Variants in GLCE observed in about 807,000 individuals in gnomAD.
GLCE encodes D-glucuronyl C5-epimerase.
In GLCE, 19 loss-of-function variants were observed where a neutral mutation model predicts 47.9. The ratio of observed to expected loss-of-function variants is 0.40; its 90% CI spans 0.28 to 0.58. The LOEUF (loss-of-function observed/expected upper bound fraction) is 0.58. GLCE is among the 20% of genes least tolerant of loss of function. The pLI is 0.48. For missense variants in GLCE, 556 were observed against 743.3 expected (o/e 0.75, Z 2.93); for synonymous variants, 245 against 263.4 (o/e 0.93, Z 0.68).
At position 69,261,277 on chromosome 15, in the gene GLCE, G is replaced by T. The variant is rs377198684; in HGVS notation, c.777G>T (p.Ala259=). 22 of 1,613,858 alleles carry T rather than the reference G, an allele frequency of 1.4e-5. No individual in the cohort carries two copies. The highest frequency in any genetic ancestry group is 1.9e-5 in the Non-Finnish European group (22 of 1,179,964). The stretch of plus-strand genomic sequence containing the variant: ...CTGTGCCAAAGGGCTGCTTTATGGC[G>T]AATGTGGCTGATAAGTCTAGATTCA... ...DWTVPKGCFM[A]NVADKSRFTN... The change falls in exon 4 of 5, where the codon GCG becomes GCT. Residue 259 remains alanine (A), a synonymous_variant. Transcript: ENST00000261858.
At chr15:69,257,790 A>T (rs1322405797) in intron 3 of GLCE, among the ~76,000 whole-genome samples, 2 of 152,028 alleles carry the variant, frequency 1.3e-5, no homozygotes, top group Admixed American at 1.3e-4. Context: ...AATGATGTTT[A>T]CTATACAGTG....
chr15:69,193,460 C>T (rs140979294), intron 1 of GLCE, among the ~76,000 whole-genome samples: 18 of 152,138 alleles, frequency 1.2e-4, no homozygotes, highest in African/African-American at 4.1e-4. Context: ...ACTTCATCCT[C>T]GTAATGTGTG....
intron 4 of GLCE, among the ~76,000 whole-genome samples, chr15:69,264,909 A>T (rs931386243): frequency 7.9e-5 from 12 of 152,066 alleles, no homozygotes; most frequent in Admixed American, 7.9e-4. Context: ...TATTTGTATA[A>T]GTTCCTGATA....
intron 1 of GLCE, among the ~76,000 whole-genome samples, chr15:69,170,286 A>G (rs1047871387): frequency 1.6e-4 from 24 of 152,140 alleles, no homozygotes; most frequent in African/African-American, 4.8e-5. Flanking sequence ...TAATAAAACA[A>G]TTTTTAAAAG....
intron 2 of GLCE, among the ~76,000 whole-genome samples, chr15:69,250,220 A>G (rs1266466210): frequency 1.3e-5 from 2 of 152,124 alleles, no homozygotes; most frequent in Non-Finnish European, 2.9e-5. Flanking sequence ...TGTCAGTGCA[A>G]TCTACTTCTT....
chr15:69,233,982 GTT>G (rs201893518), intron 2 of GLCE, among the ~76,000 whole-genome samples: 1 of 141,552 alleles, frequency 7.1e-6, no homozygotes, highest in South Asian at 2.3e-4. Flanking sequence ...AGATTTTTTT[GTT>G]TTTTTTTTTT....
At chr15:69,190,507 C>T (rs1399025480) in intron 1 of GLCE, among the ~76,000 whole-genome samples, 1 of 152,040 alleles carries the variant, frequency 6.6e-6, no homozygotes, top group African/African-American at 2.4e-5. Flanking sequence ...ATGAATTCAT[C>T]CCTTTACTCA....
Position 69,268,634 on chromosome 15 carries a change from A to G in GLCE, c.1244A>G (p.Asn415Ser). 1.9e-6 allele frequency: 3 copies of G among 1,614,216 alleles called. No individual in the cohort carries two copies. The highest frequency in any genetic ancestry group is 2.5e-6 in the Non-Finnish European group (3 of 1,180,036). Residue 415 changes from asparagine (N) to serine (S), a missense_variant, in exon 5 of 5, where the codon AAC becomes AGC. Asn to Ser is a conservative substitution (Grantham distance 46). Transcript: ENST00000261858. Reference protein sequence around the residue: ...FFAASDWLVRNQDEKGGWPIM... With the variant: ...FFAASDWLVRSQDEKGGWPIM... ...GCTGCTAGTGATTGGCTAGTAAGGA[A>G]CCAGGATGAGAAAGGTGGCTGGCCA...
At chr15:69,213,747 C>G (rs965220881) in intron 2 of GLCE, among the ~76,000 whole-genome samples, 25 of 152,018 alleles carry the variant, frequency 1.6e-4, no homozygotes, top group African/African-American at 5.3e-4. Flanking sequence ...GTAGATCTTG[C>G]CTGCAGCTTC....
chr15:69,233,563 A>T (rs1163095636), intron 2 of GLCE, among the ~76,000 whole-genome samples: 1 of 152,174 alleles, frequency 6.6e-6, no homozygotes, highest in Non-Finnish European at 1.5e-5. Flanking sequence ...TATATGTTAA[A>T]CTTCTGTTTA....
chr15:69,221,198 C>G (rs1196946039), intron 2 of GLCE, among the ~76,000 whole-genome samples: 2 of 152,070 alleles, frequency 1.3e-5, no homozygotes, highest in African/African-American at 2.4e-5. Context: ...CAACTTGGTT[C>G]TTTTTTAAGA....
At chr15:69,168,239 C>G (rs560350933) in intron 1 of GLCE, among the ~76,000 whole-genome samples, 2 of 152,044 alleles carry the variant, frequency 1.3e-5, no homozygotes, top group Admixed American at 6.5e-5. Flanking sequence ...TTGAGATCAG[C>G]CTGGGCAAAA....
intron 1 of GLCE, among the ~76,000 whole-genome samples, chr15:69,186,084 A>C (rs993129575): frequency 1.3e-5 from 2 of 152,146 alleles, no homozygotes; most frequent in Non-Finnish European, 1.5e-5. Flanking sequence ...CGGAGCTTTC[A>C]TGTCCTCCCT....
At chr15:69,182,432 T>C (rs2051764087) in intron 1 of GLCE, among the ~76,000 whole-genome samples, 1 of 151,884 alleles carries the variant, frequency 6.6e-6, no homozygotes, top group Admixed American at 6.6e-5. Flanking sequence ...TGCAGCTCTG[T>C]AGGTATCAAC....
At chr15:69,231,504 C>T (rs1401296000) in intron 2 of GLCE, among the ~76,000 whole-genome samples, 3 of 151,790 alleles carry the variant, frequency 2.0e-5, no homozygotes, top group African/African-American at 4.8e-5. Context: ...AGGATGGTCT[C>T]GATTTCCTGA....
chr15:69,166,478 C>T (rs1434641517), intron 1 of GLCE, among the ~76,000 whole-genome samples: 1 of 152,162 alleles, frequency 6.6e-6, no homozygotes, highest in Non-Finnish European at 1.5e-5. Flanking sequence ...ATTGATTGGA[C>T]TTTAGAGACC....
chr15:69,250,331 T>A (rs1595782391), intron 2 of GLCE, among the ~76,000 whole-genome samples: 1 of 152,264 alleles, frequency 6.6e-6, no homozygotes, highest in Non-Finnish European at 1.5e-5. Context: ...GTTAATACTG[T>A]ATGTCAACAC....
intron 1 of GLCE, among the ~76,000 whole-genome samples, chr15:69,182,748 T>A (rs1190240076): frequency 1.3e-5 from 2 of 152,152 alleles, no homozygotes; most frequent in Admixed American, 6.5e-5. Context: ...GCATCATGCC[T>A]CATGTGTGTA....
chr15:69,266,115 G>A (rs1301343802), intron 4 of GLCE, among the ~76,000 whole-genome samples: 1 of 152,122 alleles, frequency 6.6e-6, no homozygotes, highest in Non-Finnish European at 1.5e-5. Flanking sequence ...TTTCTATTAA[G>A]TTACTCAGAG....
Sources: gnomAD v4.1 joint callset for allele counts (sites outside exome capture counted in the v4.1 genomes callset) on GRCh38, gnomAD v4.1.1 for gene constraint, MANE v1.5 for transcripts, NCBI Gene and HGNC (gene_info 2026-07-23, HGNC 2026-07-21) for gene names.